The following NPLOC4 variants were observed in gnomAD, a reference collection of about 807,000 sequenced individuals.
The protein encoded by NPLOC4 is nuclear protein localization protein 4 homolog.
In NPLOC4, 18 loss-of-function variants were observed where a neutral mutation model predicts 80.6. That is an observed-to-expected ratio of 0.22 (90% CI 0.15 to 0.33). The LOEUF (loss-of-function observed/expected upper bound fraction) is 0.33, where lower values mean the gene tolerates loss of function less well. NPLOC4 is among the 10% of genes least tolerant of loss of function. The pLI is 1.00. For synonymous variants in NPLOC4, 313 were observed against 301.5 expected (o/e 1.04, Z -0.39); for missense variants, 540 against 786.1 (o/e 0.69, Z 3.74).
intron 9 of NPLOC4, 138 bp downstream of exon 9, chr17:81,600,203 T>C (rs1056713052): frequency 1.7e-5 from 11 of 638,106 alleles, no homozygotes; most frequent in African/African-American, 3.6e-5. Flanking sequence ...TCAAAACATA[T>C]AGTGCCTGCA....
intron 8 of NPLOC4, among the ~76,000 whole-genome samples, chr17:81,603,168 G>A (rs1045962604): frequency 6.6e-6 from 1 of 151,686 alleles, no homozygotes; most frequent in African/African-American, 2.4e-5. Flanking sequence ...AGAGTGAGAC[G>A]CTGTCTCAAA....
chr17:81,625,516 AAC>A (rs796509802), intron 2 of NPLOC4, among the ~76,000 whole-genome samples: 53 of 152,332 alleles, frequency 3.5e-4, no homozygotes, highest in African/African-American at 9.6e-4. Context: ...AGAACTGAAA[AAC>A]ACAAGAACAG....
chr17:81,597,396 A>C, intron 9 of NPLOC4, 80 bp from the exon 10 acceptor site: 4 of 1,101,094 alleles, frequency 3.6e-6, no homozygotes, highest in Non-Finnish European at 5.6e-6. Context: ...CACGCCTATA[A>C]TCACAGCACT....
chr17:81,557,798 C>G lies in NPLOC4; in HGVS notation c.*1461G>C, dbSNP rs2033691101. Reference sequence around the variant, plus strand: ...CGTGACCAGACCCAACCCAACTGGCCCCTGGTCCCAAGAGCAGATGAGCTG... The same window carrying G: ...CGTGACCAGACCCAACCCAACTGGCGCCTGGTCCCAAGAGCAGATGAGCTG... On this transcript the variant is annotated 3_prime_UTR_variant, in exon 17 of 17. Transcript: ENST00000331134. 1 of 152,320 alleles carries G rather than the reference C, an allele frequency of 6.6e-6. No individual in the cohort carries two copies. The highest frequency in any genetic ancestry group is 1.5e-5 in the Non-Finnish European group (1 of 68,108). The allele number at this position is 152,320 out of a possible 1,614,324, so 9.4% of individuals were successfully genotyped here.
At chr17:81,607,553 T>A (rs1373373398) in intron 6 of NPLOC4, among the ~76,000 whole-genome samples, 2 of 152,198 alleles carry the variant, frequency 1.3e-5, no homozygotes, top group African/African-American at 4.8e-5. Flanking sequence ...TTACCTCACA[T>A]ACTGATCATT....
intron 5 of NPLOC4, 50 bp from the exon 6 acceptor site, chr17:81,608,872 C>G (rs1484977191): frequency 6.9e-7 from 1 of 1,439,774 alleles, no homozygotes; most frequent in South Asian, 1.2e-5. Flanking sequence ...GCCGGTCACT[C>G]CAGGCGCTGA....
chr17:81,618,640 C>G (rs2035577740), intron 3 of NPLOC4, among the ~76,000 whole-genome samples: 1 of 150,810 alleles, frequency 6.6e-6, no homozygotes, highest in African/African-American at 2.4e-5. Context: ...GGCGCCTCTG[C>G]CCGGCCGCCC....
At chr17:81,601,292 G>A (rs1356264619) in intron 8 of NPLOC4, among the ~76,000 whole-genome samples, 1 of 152,178 alleles carries the variant, frequency 6.6e-6, no homozygotes, top group Non-Finnish European at 1.5e-5. Context: ...AGAAGTTTAC[G>A]TTTGCTGGGT....
Position 81,629,733 on chromosome 17 carries a change from A to G in NPLOC4, c.88T>C (p.Leu30=). The part of the protein sequence containing the change: ...ATKRETAATF[L]KKVAKEFGFQ... ...ACCCAGGCCACAGATACCTTTTTCA[A>G]AAATGTTGCTGCTGTTTCTCTCTTT... The change falls in exon 2 of 17, where the codon TTG becomes CTG. Residue 30 remains leucine, a synonymous_variant. Coordinates refer to ENST00000331134, the MANE Select transcript of NPLOC4 (RefSeq NM_017921.4). 1 of 1,613,442 alleles carries G rather than the reference A, an allele frequency of 6.2e-7. No individual in the cohort carries two copies. Among genetic ancestry groups the G allele is most frequent in the Non-Finnish European group, 8.5e-7 (1 of 1,179,392 alleles).
chr17:81,630,658 A>G (rs1217984427), intron 1 of NPLOC4, among the ~76,000 whole-genome samples: 1 of 151,368 alleles, frequency 6.6e-6, no homozygotes, highest in Non-Finnish European at 1.5e-5. Flanking sequence ...AAGGCGGTGG[A>G]TCACTTGAGC....
rs969200069 is a variant in NPLOC4 at position 81,595,782 on chromosome 17, G to A, written c.1120+334C>T. On this transcript the variant is annotated intron_variant, in intron 11 of 16. Coordinates refer to ENST00000331134, the MANE Select transcript of NPLOC4 (RefSeq NM_017921.4). ...TGATCTCGAACTCCTGACCTCAAGC[G>A]ATCCACTCACCTGGGCCTCCCAAAG... is the stretch of plus-strand genomic sequence containing the variant. Among the ~76,000 whole-genome samples the A allele has an allele frequency of 3.3e-5, 5 of 152,156 alleles. No homozygotes were observed. The South Asian group carries it at 6.2e-4, about 19-fold the overall frequency.
At chr17:81,629,672 T>C in intron 2 of NPLOC4, 53 bp downstream of exon 2, 1 of 1,283,430 alleles carries the variant, frequency 7.8e-7, no homozygotes. Flanking sequence ...TCGATGGCAG[T>C]AAGAGTAGAG....
rs1555680405 is a variant in NPLOC4 at position 81,581,375 on chromosome 17, A to AAAAAAAAAAAAAAAAAAAAAGTC, written c.1281+7568_1281+7569insGACTTTTTTTTTTTTTTTTTTTT. 4.1e-4 allele frequency among the ~76,000 whole-genome samples: 30 copies of AAAAAAAAAAAAAAAAAAAAAGTC among 72,808 alleles called. 11 individuals carry two copies. Among genetic ancestry groups the AAAAAAAAAAAAAAAAAAAAAGTC allele is most frequent in the Admixed American group, 1.0e-3 (6 of 5,758 alleles). 47.8% of individuals were successfully genotyped at this position (72,808 alleles called of 152,430 possible). ...AAAAAAAAAAAAAAAAAAAAAAAAA[A>AAAAAAAAAAAAAAAAAAAAAGTC]AGTTAATAAAATCACCATGTCACAA... On this transcript the variant is annotated intron_variant, in intron 12 of 16. Coordinates refer to ENST00000331134, the MANE Select transcript of NPLOC4 (RefSeq NM_017921.4).
intron 11 of NPLOC4, among the ~76,000 whole-genome samples, chr17:81,589,714 G>A (rs2034684076): frequency 6.6e-6 from 1 of 151,822 alleles, no homozygotes; most frequent in Admixed American, 6.6e-5. Context: ...TTGAAAAAAA[G>A]AAAAGAAAAG....
chr17:81,589,066 C>T lies in NPLOC4; in HGVS notation c.1159G>A (p.Val387Met). 1 of 1,613,688 alleles carries T rather than the reference C, an allele frequency of 6.2e-7. No individual in the cohort carries two copies. Among genetic ancestry groups the T allele is most frequent in the Non-Finnish European group, 8.5e-7 (1 of 1,179,770 alleles). ...DNQVHFEGYQ[V>M]SNQCMALVRD... is the part of the protein sequence containing the mutation. ...ACCAGTGCCATACACTGATTGGACACCTGGTACCCTTCAAAGTGGACTTGG... is the reference window on the plus strand; with the variant it reads ...ACCAGTGCCATACACTGATTGGACATCTGGTACCCTTCAAAGTGGACTTGG... Residue 387 changes from valine (V) to methionine (M), a missense_variant, in exon 12 of 17, where the codon GTG becomes ATG. By Grantham distance (21) the Val-to-Met change is conservative. Around this residue, in one of 6 missense-constraint regions of NPLOC4, gnomAD observed 251 missense variants for 377.5 expected, o/e 0.66. Transcript: ENST00000331134.
At chr17:81,612,040 T>C (rs1017798839) in intron 4 of NPLOC4, among the ~76,000 whole-genome samples, 1 of 151,328 alleles carries the variant, frequency 6.6e-6, no homozygotes, top group Non-Finnish European at 1.5e-5. Flanking sequence ...CTGAGAGCGG[T>C]GCATAAATAA....
rs1555680405 is a variant in NPLOC4 at position 81,581,375 on chromosome 17, A to AATC, written c.1281+7568_1281+7569insGAT. Among the ~76,000 whole-genome samples, 19 of 72,848 alleles carry AATC rather than the reference A, an allele frequency of 2.6e-4. 6 individuals are homozygous for AATC. Among genetic ancestry groups the AATC allele is most frequent in the Non-Finnish European group, 4.0e-4 (14 of 34,980 alleles). 47.8% of individuals were successfully genotyped at this position (72,848 alleles called of 152,430 possible). Reference sequence around the variant, plus strand: ...AAAAAAAAAAAAAAAAAAAAAAAAAAAGTTAATAAAATCACCATGTCACAA... The same window carrying AATC: ...AAAAAAAAAAAAAAAAAAAAAAAAAAATCAGTTAATAAAATCACCATGTCACAA... On this transcript the variant is annotated intron_variant, in intron 12 of 16. Transcript: ENST00000331134.
chr17:81,583,349 C>T lies in NPLOC4; in HGVS notation c.1281+5595G>A, dbSNP rs576106166. Reference sequence around the variant, plus strand: ...TGGCCATATAGTCAATAAATGCACTCATTTATTCTCCATAATTACAAGTCT... The same window carrying T: ...TGGCCATATAGTCAATAAATGCACTTATTTATTCTCCATAATTACAAGTCT... On this transcript the variant is annotated intron_variant, in intron 12 of 16. Transcript: ENST00000331134. Among the ~76,000 whole-genome samples the T allele has an allele frequency of 2.0e-5, 3 of 152,304 alleles. No individual in the cohort carries two copies. In the South Asian group the frequency reaches 6.2e-4, roughly 32 times the overall value.
At chr17:81,604,954 T>C (rs2035160672) in intron 7 of NPLOC4, among the ~76,000 whole-genome samples, 1 of 151,722 alleles carries the variant, frequency 6.6e-6, no homozygotes, top group Non-Finnish European at 1.5e-5. Context: ...GTGAGACCCC[T>C]TGTATCTTAA....
Sources: gnomAD v4.1 joint callset for allele counts (sites outside exome capture counted in the v4.1 genomes callset) on GRCh38, gnomAD v4.1.1 for gene constraint, gnomAD v4.1.1 regional missense constraint, MANE v1.5 for transcripts, NCBI Gene and HGNC (gene_info 2026-07-23, HGNC 2026-07-21) for gene names.